ALG13: variants seen among roughly 807,000 people sequenced by gnomAD.
ALG13 encodes the protein UDP-N-acetylglucosamine transferase subunit ALG13.
Under a neutral mutation model 87.8 loss-of-function variants are expected in ALG13, and 11 were observed. That is an observed-to-expected ratio of 0.13 (90% CI 0.08 to 0.21). The LOEUF (loss-of-function observed/expected upper bound fraction) is 0.21, where lower values mean the gene tolerates loss of function less well. ALG13 is among the 10% of genes least tolerant of loss of function. ALG13 has a pLI of 1.00. For synonymous variants in ALG13, 320 were observed against 306.3 expected, an observed-to-expected ratio of 1.04 and a Z score of -0.47; for missense variants, 756 against 866.1, an observed-to-expected ratio of 0.87 and a Z score of 1.60.
intron 2 of ALG13, among the ~76,000 whole-genome samples, chrX:111,684,494 T>A (rs1280910034): frequency 9.0e-6 from 1 of 110,642 alleles, no homozygotes; most frequent in African/African-American, 3.3e-5. Context: ...TTGTTTTTAT[T>A]TTGATTTTTT....
chrX:111,736,124 C>T (rs1943216254), intron 22 of ALG13, among the ~76,000 whole-genome samples: 2 of 110,848 alleles, frequency 1.8e-5, no homozygotes, highest in Non-Finnish European at 3.8e-5. Flanking sequence ...GGCAACATGA[C>T]AAAACTGTCT....
Position 111,717,930 on chromosome X carries a change from A to G in ALG13, c.1087+3A>G. 8.3e-7 allele frequency: 1 copy of G among 1,197,837 alleles called. No individual in the cohort carries two copies. The highest frequency in any genetic ancestry group is 1.1e-6 in the Non-Finnish European group (1 of 885,203). On this transcript the variant is annotated splice_donor_region_variant and intron_variant, in intron 9 of 26. Transcript: ENST00000394780. ...GTCAAGTGCAGCTGTTTGTCAGGGT[A>G]TGTGAAGGCTTTATAAATTGTGGGT...
intron 24 of ALG13, among the ~76,000 whole-genome samples, chrX:111,748,327 C>A (rs1220635458): frequency 8.9e-6 from 1 of 111,852 alleles, no homozygotes; most frequent in Non-Finnish European, 1.9e-5. Context: ...ATGGATCATG[C>A]CTATGGTATT....
intron 24 of ALG13, 174 bp from the exon 25 acceptor site, chrX:111,752,616 A>G (rs1243969717): frequency 1.4e-5 from 5 of 348,167 alleles, no homozygotes; most frequent in Non-Finnish European, 2.6e-5. Context: ...GGGTTTCACC[A>G]TGTTGGCCAG....
intron 3 of ALG13, among the ~76,000 whole-genome samples, chrX:111,704,409 T>C (rs1304437048): frequency 8.9e-6 from 1 of 112,038 alleles, no homozygotes; most frequent in Non-Finnish European, 1.9e-5. Context: ...TGAATATTTA[T>C]GGAAATATTA....
intron 3 of ALG13, among the ~76,000 whole-genome samples, chrX:111,694,690 C>G (rs764443902): frequency 3.6e-5 from 4 of 111,969 alleles, no homozygotes; most frequent in Non-Finnish European, 7.5e-5. Context: ...TATAGTACAT[C>G]TTTTTGAATG....
At position 111,735,068 on chromosome X, in the gene ALG13, G is replaced by A. The variant is rs1298792527; in HGVS notation, c.2475G>A (p.Lys825=). Residue 825 remains lysine, a synonymous_variant, in exon 22 of 27, where the codon AAG becomes AAA. Coordinates refer to ENST00000394780, the MANE Select transcript of ALG13 (RefSeq NM_001099922.3). Reference sequence around the variant, plus strand: ...TATTAAAGTCTCTTCAGGACAGAAAGTCATGTTCTATGTCTCCTCAGGACA... The same window carrying A: ...TATTAAAGTCTCTTCAGGACAGAAAATCATGTTCTATGTCTCCTCAGGACA... ...STANLSLQDR[K]SCSMSPQDTV... is the part of the protein sequence containing the mutation. The A allele has an allele frequency of 1.6e-5, 19 of 1,186,083 alleles. No individual in the cohort carries two copies. The highest frequency in any genetic ancestry group is 1.9e-5 in the Non-Finnish European group (17 of 874,405).
chrX:111,727,872 C>T (rs1431162357), intron 18 of ALG13, 102 bp downstream of exon 18: 16 of 861,875 alleles, frequency 1.9e-5, no homozygotes, highest in Non-Finnish European at 2.5e-5. Flanking sequence ...TACAAATAAC[C>T]AAACAAAGCC....
rs747566924 is a variant in ALG13 at position 111,703,185 on chromosome X, GTCATCA to G, written c.384-4816_384-4811del. Among the ~76,000 whole-genome samples, 1,055 of 107,860 alleles carry G rather than the reference GTCATCA, an allele frequency of 9.8e-3. 14 individuals are homozygous for G. The highest frequency in any genetic ancestry group is 0.033 in the African/African-American group (980 of 29,443). 93.7% of individuals were successfully genotyped at this position (107,860 alleles called of 115,157 possible). On this transcript the variant is annotated intron_variant, in intron 3 of 26. Coordinates refer to ENST00000394780, the MANE Select transcript of ALG13 (RefSeq NM_001099922.3). ...TACAGTGCTAGAATTTTTTTATATT[GTCATCA>G]TCATCATCATCATCATCATCATCAT...
At chrX:111,736,951 G>T in intron 23 of ALG13, 72 bp downstream of exon 23, 2 of 867,991 alleles carry the variant, frequency 2.3e-6, no homozygotes, top group East Asian at 3.4e-5. Flanking sequence ...CAGCTGTTCT[G>T]GTAATTACAT....
rs778024261 is a variant in ALG13 at position 111,708,413 on chromosome X, TC to T, written c.750+23del. 5.0e-6 allele frequency: 6 copies of T among 1,190,014 alleles called. No individual in the cohort carries two copies. The Admixed American group carries it at 1.4e-4, about 27-fold the overall frequency. On this transcript the variant is annotated intron_variant, in intron 4 of 26. Coordinates refer to ENST00000394780, the MANE Select transcript of ALG13 (RefSeq NM_001099922.3). The stretch of plus-strand genomic sequence containing the variant: ...GAGCAGGTAAAAGGAAAACATATCT[TC>T]CCTGTACTGAGTTTTCAGAGTTTGA...
At chrX:111,684,899 A>G (rs1329988305) in intron 2 of ALG13, 66 bp from the exon 3 acceptor site, 9 of 1,077,455 alleles carry the variant, frequency 8.4e-6, no homozygotes, top group East Asian at 3.2e-5. Context: ...ATTTCTAGCT[A>G]TAAAGCTTCG....
Position 111,759,983 on chromosome X carries a change from T to A in ALG13, c.3398T>A (p.Val1133Glu). ...IAPSPPASHY[V>E]PQGM ...CCATCTCCCCCAGCTTCTCATTATGTACCTCAGGGTATGTAAGATCCAGCA... is the reference window on the plus strand; with the variant it reads ...CCATCTCCCCCAGCTTCTCATTATGAACCTCAGGGTATGTAAGATCCAGCA... The change falls in exon 27 of 27, where the codon GTA becomes GAA. Residue 1133 changes from valine (V) to glutamate (E), a missense_variant. By Grantham distance (121) the Val-to-Glu change is moderately radical. Coordinates refer to ENST00000394780, the MANE Select transcript of ALG13 (RefSeq NM_001099922.3). The A allele has an allele frequency of 2.5e-6, 3 of 1,211,113 alleles. No homozygotes were observed. The highest frequency in any genetic ancestry group is 3.4e-6 in the Non-Finnish European group (3 of 895,126).
rs1440680088 is a variant in ALG13 at position 111,682,249 on chromosome X, T to G, written c.199T>G (p.Leu67Val). 3 of 1,194,274 alleles carry G rather than the reference T, an allele frequency of 2.5e-6. No homozygotes were observed. Among genetic ancestry groups the G allele is most frequent in the Non-Finnish European group, 3.4e-6 (3 of 886,925 alleles). The change falls in exon 2 of 27, where the codon TTG becomes GTG. Residue 67 changes from leucine to valine, a missense_variant. Transcript: ENST00000394780. ...GGATGTTTACAGGTACAAGGATTCC[T>G]TGAAAGAAGACATTCAGAAAGCAGA... is the stretch of plus-strand genomic sequence containing the variant. ...TLDVYRYKDS[L>V]KEDIQKADLV...
chrX:111,717,974 T>A, intron 9 of ALG13, 47 bp downstream of exon 9: 1 of 1,134,440 alleles, frequency 8.8e-7, no homozygotes, highest in Non-Finnish European at 1.2e-6. Context: ...AGATGACTTG[T>A]TTTCACTCAG....
intron 23 of ALG13, among the ~76,000 whole-genome samples, chrX:111,738,358 T>G (rs1451650219): frequency 8.9e-6 from 1 of 111,953 alleles, no homozygotes; most frequent in African/African-American, 3.2e-5. Context: ...GCATTATGCT[T>G]GTTGAGCATT....
chrX:111,709,077 C>G, intron 5 of ALG13, 29 bp downstream of exon 5: 1 of 955,175 alleles, frequency 1.0e-6, no homozygotes, highest in African/African-American at 1.9e-5. Context: ...CAGGGGAGAA[C>G]TGGTAGAGTG....
chrX:111,690,870 A>C (rs1207522860), intron 3 of ALG13, among the ~76,000 whole-genome samples: 1 of 111,712 alleles, frequency 9.0e-6, no homozygotes, highest in African/African-American at 3.3e-5. Flanking sequence ...AATGACTAGC[A>C]GTAATATAAA....
intron 24 of ALG13, among the ~76,000 whole-genome samples, chrX:111,749,057 C>T (rs1248596855): frequency 9.0e-6 from 1 of 111,153 alleles, no homozygotes; most frequent in East Asian, 2.8e-4. Flanking sequence ...TGCACTCCAG[C>T]CTGGGTGACA....
Sources: allele counts gnomAD v4.1 joint callset (sites outside exome capture counted in the v4.1 genomes callset), GRCh38; gene constraint gnomAD v4.1.1; transcripts MANE v1.5; gene names NCBI Gene and HGNC (gene_info 2026-07-23, HGNC 2026-07-21).